The following PGBD2 variants were observed in gnomAD, a reference collection of about 807,000 sequenced individuals.
PGBD2 encodes piggyBac transposable element-derived protein 2.
In PGBD2, 6 loss-of-function variants were observed where a neutral mutation model predicts 8.1. The ratio of observed to expected loss-of-function variants is 0.74; its 90% CI spans 0.40 to 1.46. The LOEUF (loss-of-function observed/expected upper bound fraction) is 1.46, where lower values mean the gene tolerates loss of function less well. Among genes scored for constraint, PGBD2 ranks in the 40% most tolerant of loss-of-function variants. The pLI, the probability that PGBD2 is intolerant of heterozygous loss-of-function variation, is 0.02. For missense variants in PGBD2, 802 were observed against 739.0 expected (o/e 1.09, Z -0.99); for synonymous variants, 318 against 272.2 (o/e 1.17, Z -1.66).
chr1:248,907,287 G>A (rs1005775987), intron 1 of PGBD2, among the ~76,000 whole-genome samples: 7 of 152,220 alleles, frequency 4.6e-5, no homozygotes, highest in Admixed American at 2.6e-4. Context: ...AAGAATAACA[G>A]GGCAGCATTG....
chr1:248,901,563 A>G (rs115190330), upstream of PGBD2, among the ~76,000 whole-genome samples: 432 of 152,314 alleles, frequency 2.8e-3, 3 homozygotes, highest in Non-Finnish European at 2.5e-3. Context: ...ACTGGACCCC[A>G]TCCTTACACT....
At chr1:248,886,592 G>A in the PGBD2 span, among the ~76,000 whole-genome samples, 1 of 152,154 alleles carries the variant, frequency 6.6e-6, no homozygotes, top group African/African-American at 2.4e-5. Flanking sequence ...TTTCATGTTG[G>A]AGAATTGCAT....
chr1:248,898,531 T>TA, the PGBD2 span, among the ~76,000 whole-genome samples: 3 of 152,084 alleles, frequency 2.0e-5, no homozygotes, highest in African/African-American at 7.2e-5. Flanking sequence ...AAAAAAGAAA[T>TA]AAGACCCTTT....
rs766887645 is a variant in PGBD2, at chr1:248,918,074, A to G, written c.1490A>G (p.Asn497Ser). Residue 497 changes from asparagine to serine, a missense_variant, in exon 3 of 3, where the codon AAT becomes AGT. Coordinates refer to ENST00000329291, the MANE Select transcript of PGBD2 (RefSeq NM_170725.3). ...TATGTCATTGATGCTGCCCTCAACAATGCATGGCAGCTGCATAGAATCTGC... is the reference window on the plus strand; with the variant it reads ...TATGTCATTGATGCTGCCCTCAACAGTGCATGGCAGCTGCATAGAATCTGC... Reference protein sequence around the residue: ...IGYVIDAALNNAWQLHRICCQ... With the variant: ...IGYVIDAALNSAWQLHRICCQ... The G allele has an allele frequency of 7.4e-6, 12 of 1,614,200 alleles. No homozygotes were observed. The highest frequency in any genetic ancestry group is 6.7e-5 in the Admixed American group (4 of 60,026).
chr1:248,909,571 GGGC>G (rs1661788462), intron 1 of PGBD2, among the ~76,000 whole-genome samples: 1 of 152,170 alleles, frequency 6.6e-6, no homozygotes, highest in Non-Finnish European at 1.5e-5. Context: ...TATTTATTGA[GGGC>G]CTGCTGCATG....
Position 248,917,800 on chromosome 1 carries a change from G to A in PGBD2, c.1216G>A (p.Glu406Lys). Residue 406 changes from glutamate to lysine, a missense_variant, in exon 3 of 3, where the codon GAG becomes AAG. Transcript: ENST00000329291. ...ATTTGATTACAAAGTCGATGAGAGTGAGGAGATCATCGTGTGCCGCTGGCA... is the reference window on the plus strand; with the variant it reads ...ATTTGATTACAAAGTCGATGAGAGTAAGGAGATCATCGTGTGCCGCTGGCA... ...GSFDYKVDES[E>K]EIIVCRWHDS... 3.1e-6 allele frequency: 5 copies of A among 1,614,218 alleles called. No homozygotes were observed. Among genetic ancestry groups the A allele is most frequent in the Non-Finnish European group, 4.2e-6 (5 of 1,180,042 alleles).
upstream of PGBD2, among the ~76,000 whole-genome samples, chr1:248,902,896 C>G (rs1390732685): frequency 6.6e-6 from 1 of 152,110 alleles, no homozygotes; most frequent in Non-Finnish European, 1.5e-5. Context: ...GGAAAAGTAG[C>G]TAATGCTTGT....
rs1355708648 is a variant in PGBD2, at chr1:248,918,666, A to T, written c.*303A>T. ...GGGGTATATTTGAATCCTAGCAAGA[A>T]TAATCAAAGGAAAACTTGCAAGAAC... On this transcript the variant is annotated 3_prime_UTR_variant, in exon 3 of 3. Coordinates refer to ENST00000329291, the MANE Select transcript of PGBD2 (RefSeq NM_170725.3). The T allele has an allele frequency of 1.2e-5, 2 of 172,742 alleles. No homozygotes were observed. Among genetic ancestry groups the T allele is most frequent in the African/African-American group, 4.8e-5 (2 of 41,708 alleles). The allele number at this position is 172,742 out of a possible 1,614,324, so 10.7% of individuals were successfully genotyped here.
chr1:248,919,249 C>G (rs1662232799), downstream of PGBD2: 2 of 166,980 alleles, frequency 1.2e-5, no homozygotes, highest in Admixed American at 1.3e-4. Flanking sequence ...CTACCCTTTC[C>G]AAGCTCTGGT....
At chr1:248,880,495 A>G in the PGBD2 span, among the ~76,000 whole-genome samples, 12 of 152,252 alleles carry the variant, frequency 7.9e-5, no homozygotes, top group Non-Finnish European at 1.6e-4. Context: ...TTCTATGTCC[A>G]TAATGATCAT....
chr1:248,915,377 T>G (rs1662060635), intron 2 of PGBD2, among the ~76,000 whole-genome samples: 1 of 152,244 alleles, frequency 6.6e-6, no homozygotes, highest in Non-Finnish European at 1.5e-5. Context: ...TGTCACTCTG[T>G]TTTTCACTTT....
rs1306212804 is a variant in PGBD2, at chr1:248,916,952, G to C, written c.368G>C (p.Ser123Thr). The change falls in exon 3 of 3, where the codon AGT (serine) becomes ACT (threonine). Residue 123 changes from serine (S) to threonine (T), a missense_variant. Coordinates refer to ENST00000329291, the MANE Select transcript of PGBD2 (RefSeq NM_170725.3). ...AGAGATATTCGTCCAGACTTTGGCAGTTGGACTGCATCAGATCCTCATATT... is the reference window on the plus strand; with the variant it reads ...AGAGATATTCGTCCAGACTTTGGCACTTGGACTGCATCAGATCCTCATATT... The part of the protein sequence containing the change: ...TKRDIRPDFG[S>T]WTASDPHIED... 6.2e-7 allele frequency: 1 copy of C among 1,613,442 alleles called. No individual in the cohort carries two copies. The highest frequency in any genetic ancestry group is 8.5e-7 in the Non-Finnish European group (1 of 1,179,714).
intron 2 of PGBD2, among the ~76,000 whole-genome samples, chr1:248,916,336 C>A (rs1558288539): frequency 6.6e-6 from 1 of 152,118 alleles, no homozygotes; most frequent in Non-Finnish European, 1.5e-5. Context: ...ATCGCTTGAA[C>A]CCAGGAGGCG....
At chr1:248,874,311 G>A in the PGBD2 span, among the ~76,000 whole-genome samples, 4 of 152,160 alleles carry the variant, frequency 2.6e-5, no homozygotes, top group East Asian at 3.8e-4. Flanking sequence ...TCGATTCCCG[G>A]TCAGGAAAGT....
chr1:248,874,755 C>G, the PGBD2 span, among the ~76,000 whole-genome samples: 1 of 152,138 alleles, frequency 6.6e-6, no homozygotes, highest in Non-Finnish European at 1.5e-5. Context: ...ACCCCAGCAT[C>G]TATCTTTTCA....
At chr1:248,892,273 C>CCCTCCCTCCCTT in the PGBD2 span, among the ~76,000 whole-genome samples, 1 of 127,346 alleles carries the variant, frequency 7.9e-6, no homozygotes, top group Admixed American at 7.6e-5. Context: ...CTCCCTCCCT[C>CCCTCCCTCCCTT]CCTTCCTTCC....
the PGBD2 span, among the ~76,000 whole-genome samples, chr1:248,878,076 A>C: frequency 6.6e-6 from 1 of 152,104 alleles, no homozygotes; most frequent in Non-Finnish European, 1.5e-5. Flanking sequence ...TAGTCCAGTA[A>C]GTATTTCTGT....
chr1:248,882,384 A>G, the PGBD2 span, among the ~76,000 whole-genome samples: 4 of 152,220 alleles, frequency 2.6e-5, no homozygotes, highest in African/African-American at 7.2e-5. Context: ...TAGTGTGTGC[A>G]TCAGTAATTT....
the PGBD2 span, among the ~76,000 whole-genome samples, chr1:248,878,001 G>A: frequency 0.041 from 6,228 of 152,210 alleles, 427 homozygotes; most frequent in African/African-American, 0.14. Context: ...AACAAACCTA[G>A]GTCTAGTGAG....
Sources: gnomAD v4.1 joint callset for allele counts (sites outside exome capture counted in the v4.1 genomes callset) on GRCh38, gnomAD v4.1.1 for gene constraint, MANE v1.5 for transcripts, NCBI Gene and HGNC (gene_info 2026-07-23, HGNC 2026-07-21) for gene names.